ZRANB3: variants seen among roughly 807,000 people sequenced by gnomAD.
ZRANB3 encodes zinc finger RANBP2-type containing 3.
ZRANB3 carries 125 observed loss-of-function variants against 133.8 expected under a neutral mutation model. The ratio of observed to expected loss-of-function variants is 0.93; its 90% confidence interval spans 0.81 to 1.08. The LOEUF is 1.08. Ranked by LOEUF, ZRANB3 falls within the 50% of genes least tolerant of loss-of-function variation. The pLI is 0.00. For missense variants in ZRANB3, 1,229 were observed against 1,275.5 expected, an observed-to-expected ratio of 0.96 and a Z score of 0.56; for synonymous variants, 387 against 432.7, an observed-to-expected ratio of 0.89 and a Z score of 1.31.
intron 2 of ZRANB3, among the ~76,000 whole-genome samples, chr2:135,426,850 AAAAAAAAAAAAAAATATATATATATATAT>A (rs1301832314): frequency 3.4e-5 from 2 of 59,480 alleles, no homozygotes; most frequent in African/African-American, 1.8e-4. Flanking sequence ...AAAAAAAAAA[AAAAAAAAAAAAAAATATATATATATATAT>A]ATATATATAT....
chr2:135,277,092 A>C (rs1680861624), intron 8 of ZRANB3, among the ~76,000 whole-genome samples: 1 of 152,212 alleles, frequency 6.6e-6, no homozygotes, highest in Non-Finnish European at 1.5e-5. Context: ...TACAAAACTC[A>C]TGGGGATTAC....
At chr2:135,309,157 T>A (rs1682849649) in intron 8 of ZRANB3, among the ~76,000 whole-genome samples, 1 of 151,926 alleles carries the variant, frequency 6.6e-6, no homozygotes, top group African/African-American at 2.4e-5. Flanking sequence ...ATTTTTTGTA[T>A]TTTTTAGTAG....
At chr2:135,425,125 G>A (rs1217538741) in intron 2 of ZRANB3, among the ~76,000 whole-genome samples, 1 of 152,162 alleles carries the variant, frequency 6.6e-6, no homozygotes, top group East Asian at 1.9e-4. Context: ...TCAAATGTTA[G>A]AGTGAAATAA....
chr2:135,350,847 G>A (rs972496930), intron 4 of ZRANB3, among the ~76,000 whole-genome samples: 1 of 152,142 alleles, frequency 6.6e-6, no homozygotes, highest in South Asian at 2.1e-4. Flanking sequence ...CTCACATCAA[G>A]AACCATTAAG....
intron 2 of ZRANB3, among the ~76,000 whole-genome samples, chr2:135,488,337 C>T (rs1692214892): frequency 6.6e-6 from 1 of 151,910 alleles, no homozygotes; most frequent in African/African-American, 2.4e-5. Flanking sequence ...GACACAGAGA[C>T]ACAAACTTAA....
rs557950263 is a variant in ZRANB3 at position 135,319,943 on chromosome 2, TC to T, written c.678-4414del. On this transcript the variant is annotated intron_variant, in intron 6 of 20. Coordinates refer to ENST00000264159, the MANE Select transcript of ZRANB3 (RefSeq NM_032143.4). ...TTTTAATATATTGAAAGTGTCTACT[TC>T]TATAAATTTGACAGGGACATATGAT... 2.4e-3 allele frequency among the ~76,000 whole-genome samples: 367 copies of T among 152,304 alleles called. 1 individual carries two copies. Among genetic ancestry groups the T allele is most frequent in the African/African-American group, 8.1e-3 (337 of 41,556 alleles).
chr2:135,320,201 G>A (rs547385538), intron 6 of ZRANB3, among the ~76,000 whole-genome samples: 18 of 152,246 alleles, frequency 1.2e-4, no homozygotes, highest in Non-Finnish European at 1.8e-4. Context: ...CCACCAGGCC[G>A]AGCTAAAAGT....
intron 2 of ZRANB3, among the ~76,000 whole-genome samples, chr2:135,446,733 T>C (rs1690038315): frequency 6.6e-6 from 1 of 152,154 alleles, no homozygotes; most frequent in Admixed American, 6.6e-5. Context: ...GAAAAGAGGC[T>C]ATCAGGAGAG....
At chr2:135,378,074 C>CTGCTGA (rs1485925667) in intron 3 of ZRANB3, among the ~76,000 whole-genome samples, 1 of 152,210 alleles carries the variant, frequency 6.6e-6, no homozygotes, top group African/African-American at 2.4e-5. Context: ...GTTCCTCAGC[C>CTGCTGA]TGCTGATGGC....
intron 12 of ZRANB3, among the ~76,000 whole-genome samples, chr2:135,264,105 T>C (rs1437637870): frequency 2.6e-5 from 4 of 151,864 alleles, no homozygotes; most frequent in Admixed American, 2.0e-4. Flanking sequence ...GGTATTTTTT[T>C]AAAGTGGGGA....
chr2:135,204,745 A>G (rs1285893146), intron 19 of ZRANB3, among the ~76,000 whole-genome samples: 1 of 145,402 alleles, frequency 6.9e-6, no homozygotes, highest in East Asian at 2.0e-4. Context: ...ATATATATTT[A>G]TATTATATAT....
intron 2 of ZRANB3, among the ~76,000 whole-genome samples, chr2:135,470,930 T>C (rs775273852): frequency 1.3e-5 from 2 of 150,730 alleles, no homozygotes; most frequent in African/African-American, 2.4e-5. Flanking sequence ...GCCTCCTGAG[T>C]AGCTGGGACT....
chr2:135,350,530 G>C (rs1264475891), intron 4 of ZRANB3, among the ~76,000 whole-genome samples: 1 of 152,146 alleles, frequency 6.6e-6, no homozygotes, highest in African/African-American at 2.4e-5. Flanking sequence ...GCATAAAATG[G>C]ATACTTAAAT....
At chr2:135,522,754 T>C (rs1287471126) in intron 1 of ZRANB3, among the ~76,000 whole-genome samples, 3 of 152,036 alleles carry the variant, frequency 2.0e-5, no homozygotes, top group African/African-American at 7.2e-5. Context: ...TCCTAAGCAG[T>C]TTAGTATAGC....
chr2:135,421,024 C>A (rs1414255704), intron 2 of ZRANB3, among the ~76,000 whole-genome samples: 4 of 152,048 alleles, frequency 2.6e-5, no homozygotes, highest in Non-Finnish European at 5.9e-5. Context: ...GCTGGAAACA[C>A]TGGAGTCTAT....
At chr2:135,357,448 ACCACTCCCGGCTAACTTTT>A (rs1685489008) in intron 3 of ZRANB3, among the ~76,000 whole-genome samples, 1 of 152,192 alleles carries the variant, frequency 6.6e-6, no homozygotes, top group Non-Finnish European at 1.5e-5. Flanking sequence ...GGCGCATGCC[ACCACTCCCGGCTAACTTTT>A]GTATTTTTAG....
chr2:135,204,988 A>C (rs1693800637), intron 19 of ZRANB3, among the ~76,000 whole-genome samples: 1 of 151,842 alleles, frequency 6.6e-6, no homozygotes, highest in Non-Finnish European at 1.5e-5. Flanking sequence ...CTGGAGTCTG[A>C]CTGACATCCC....
chr2:135,224,044 T>C (rs1694658874), intron 15 of ZRANB3, among the ~76,000 whole-genome samples: 1 of 152,212 alleles, frequency 6.6e-6, no homozygotes, highest in East Asian at 1.9e-4. Context: ...TTTTTAAGGG[T>C]ACACAGTAGG....
At chr2:135,291,591 T>C (rs1681737587) in intron 8 of ZRANB3, among the ~76,000 whole-genome samples, 1 of 151,722 alleles carries the variant, frequency 6.6e-6, no homozygotes, top group Non-Finnish European at 1.5e-5. Context: ...TTATTTTATT[T>C]TTTTAATTTT....
Sources: gnomAD v4.1 joint callset for allele counts (sites outside exome capture counted in the v4.1 genomes callset) on GRCh38, gnomAD v4.1.1 for gene constraint, MANE v1.5 for transcripts, NCBI Gene and HGNC (gene_info 2026-07-23, HGNC 2026-07-21) for gene names.